The following RNLS variants were observed in gnomAD, a reference collection of about 807,000 sequenced individuals.
RNLS encodes renalase, FAD dependent amine oxidase.
RNLS carries 39 observed loss-of-function variants against 39.8 expected under a neutral mutation model. That is an observed-to-expected ratio of 0.98 (90% confidence interval 0.76 to 1.28). The LOEUF is 1.28. RNLS is among the 50% of genes most tolerant of loss of function. RNLS has a pLI of 0.00. For missense variants in RNLS, 410 were observed against 413.3 expected, an observed-to-expected ratio of 0.99 and a Z score of 0.07; for synonymous variants, 147 against 150.7, an observed-to-expected ratio of 0.98 and a Z score of 0.18.
At chr10:88,321,035 A>G (rs1554856912) in intron 5 of RNLS, among the ~76,000 whole-genome samples, 1 of 151,848 alleles carries the variant, frequency 6.6e-6, no homozygotes, top group Non-Finnish European at 1.5e-5. Context: ...TCTAAAATTG[A>G]CTATATGATT....
In RNLS at chr10:88,427,495, C is replaced by T. The variant is rs555041782; in HGVS notation, c.527-64770G>A. Among the ~76,000 whole-genome samples, 29 of 152,046 alleles carry T rather than the reference C, an allele frequency of 1.9e-4. No homozygotes were observed. The South Asian group carries it at 3.3e-3, about 17-fold the overall frequency. On this transcript the variant is annotated intron_variant, in intron 4 of 6. Coordinates refer to ENST00000331772, the MANE Select transcript of RNLS (RefSeq NM_001031709.3). ...CTTTCTCTTAAAGTAAGATATTTCACCTACCTGACACATTTCAACTTGTAA... is the reference window on the plus strand; with the variant it reads ...CTTTCTCTTAAAGTAAGATATTTCATCTACCTGACACATTTCAACTTGTAA...
At chr10:88,195,933 T>C in the RNLS span, among the ~76,000 whole-genome samples, 1 of 152,208 alleles carries the variant, frequency 6.6e-6, no homozygotes, top group Non-Finnish European at 1.5e-5. Context: ...CTGAGTCCTT[T>C]CCAATTTATG....
intron 4 of RNLS, among the ~76,000 whole-genome samples, chr10:88,420,037 A>G (rs1202439104): frequency 1.8e-5 from 2 of 113,974 alleles, no homozygotes; most frequent in African/African-American, 3.7e-5. Flanking sequence ...TAAATAAATA[A>G]ATAAATAAAT....
At chr10:88,182,169 A>G in the RNLS span, among the ~76,000 whole-genome samples, 1 of 152,124 alleles carries the variant, frequency 6.6e-6, no homozygotes, top group Non-Finnish European at 1.5e-5. Context: ...ATGAGCCTCA[A>G]GGGTAGCTTT....
chr10:88,438,108 A>G (rs2133836279), intron 4 of RNLS, among the ~76,000 whole-genome samples: 1 of 146,650 alleles, frequency 6.8e-6, no homozygotes, highest in Non-Finnish European at 1.5e-5. Flanking sequence ...CCTGGGCAAC[A>G]AGAGTGAAAC....
At chr10:88,557,094 T>G (rs1163748220) in intron 4 of RNLS, among the ~76,000 whole-genome samples, 1 of 152,140 alleles carries the variant, frequency 6.6e-6, no homozygotes. Context: ...AGATGACAAG[T>G]GCCATTTAAA....
chr10:88,582,098 C>T (rs1387384570), intron 2 of RNLS, 104 bp downstream of exon 2: 12 of 845,068 alleles, frequency 1.4e-5, no homozygotes, highest in South Asian at 6.1e-5. Flanking sequence ...TGATATTTAT[C>T]GAGCCCTTAC....
intron 4 of RNLS, among the ~76,000 whole-genome samples, chr10:88,457,188 A>C (rs2133920897): frequency 6.6e-6 from 1 of 152,304 alleles, no homozygotes; most frequent in South Asian, 2.1e-4. Flanking sequence ...TTTAACTTGA[A>C]GCAGTTTACC....
At chr10:88,374,943 C>CCACA (rs1850859479) in intron 4 of RNLS, among the ~76,000 whole-genome samples, 1 of 152,074 alleles carries the variant, frequency 6.6e-6, no homozygotes, top group African/African-American at 2.4e-5. Flanking sequence ...CCTACTATAA[C>CCACA]CACAAATGAC....
chr10:88,272,588 C>G (rs1228915710), downstream of RNLS, among the ~76,000 whole-genome samples: 1 of 152,118 alleles, frequency 6.6e-6, no homozygotes, highest in African/African-American at 2.4e-5. Context: ...CGGTTTTGAT[C>G]CCTAACATAT....
rs563723356 is a variant in RNLS at position 88,343,942 on chromosome 10, C to T, written c.700+18610G>A. 1.0e-5 allele frequency: 4 copies of T among 401,644 alleles called. No homozygotes were observed. The South Asian group carries it at 3.1e-4, about 31-fold the overall frequency. 24.9% of individuals were successfully genotyped at this position (401,644 alleles called of 1,614,324 possible). A position where few individuals can be genotyped will look rare whatever the true frequency, so the allele number is the denominator to read the frequency against. On this transcript the variant is annotated intron_variant, in intron 5 of 6. Coordinates refer to ENST00000331772, the MANE Select transcript of RNLS (RefSeq NM_001031709.3). ...TCTCCTTCCACAATGCCTAAAAAAG[C>T]CCTGGTTTTCTATGATGACAGTCCA...
intron 5 of RNLS, among the ~76,000 whole-genome samples, chr10:88,352,628 C>T (rs756268995): frequency 7.9e-5 from 12 of 152,132 alleles, no homozygotes; most frequent in Admixed American, 2.6e-4. Context: ...ATTTTTGCAT[C>T]GATGTTCATC....
the RNLS span, among the ~76,000 whole-genome samples, chr10:88,244,228 T>C: frequency 6.6e-6 from 1 of 152,182 alleles, no homozygotes; most frequent in Admixed American, 6.5e-5. Flanking sequence ...ACACACCAGA[T>C]ATGAGTAGGA....
the RNLS span, among the ~76,000 whole-genome samples, chr10:88,255,994 G>T: frequency 6.6e-6 from 1 of 152,220 alleles, no homozygotes; most frequent in Non-Finnish European, 1.5e-5. Context: ...GTACACTGGA[G>T]CACAGTTGTA....
chr10:88,551,695 G>A (rs900369581), intron 4 of RNLS, among the ~76,000 whole-genome samples: 1 of 149,764 alleles, frequency 6.7e-6, no homozygotes. Context: ...AAAAAAAAAA[G>A]AAGAAGAACA....
intron 5 of RNLS, among the ~76,000 whole-genome samples, chr10:88,354,067 G>T (rs1848947856): frequency 6.6e-6 from 1 of 152,106 alleles, no homozygotes; most frequent in South Asian, 2.1e-4. Flanking sequence ...TGGTATGCTT[G>T]GTAGATCTTC....
intron 4 of RNLS, among the ~76,000 whole-genome samples, chr10:88,376,402 C>A (rs1239416472): frequency 2.6e-5 from 4 of 152,070 alleles, no homozygotes; most frequent in African/African-American, 9.7e-5. Flanking sequence ...AATGATGAAG[C>A]AAATAAAATA....
chr10:88,436,402 T>C (rs1045287796), intron 4 of RNLS, among the ~76,000 whole-genome samples: 2 of 152,146 alleles, frequency 1.3e-5, no homozygotes, highest in Non-Finnish European at 2.9e-5. Context: ...GCCAGGGCAG[T>C]TCTGAATCAA....
the RNLS span, among the ~76,000 whole-genome samples, chr10:88,176,062 G>A: frequency 6.6e-6 from 1 of 151,966 alleles, no homozygotes; most frequent in Non-Finnish European, 1.5e-5. Context: ...GTGGAATATC[G>A]TATTCCATCC....
Sources: gnomAD v4.1 joint callset for allele counts (sites outside exome capture counted in the v4.1 genomes callset) on GRCh38, gnomAD v4.1.1 for gene constraint, MANE v1.5 for transcripts, NCBI Gene and HGNC (gene_info 2026-07-23, HGNC 2026-07-21) for gene names.